Variants in PRPF39 observed in about 807,000 individuals in gnomAD.
PRPF39 encodes pre-mRNA-processing factor 39.
PRPF39 carries 27 observed loss-of-function variants against 82.1 expected under a neutral mutation model. The ratio of observed to expected loss-of-function variants is 0.33; its 90% CI spans 0.24 to 0.45. PRPF39 has a LOEUF of 0.45. Among genes scored for constraint, PRPF39 ranks in the 20% least tolerant of loss-of-function variants. The probability of loss-of-function intolerance (pLI) is 1.00; values close to 1 mark genes in which losing one functional copy is unlikely to be tolerated. For synonymous variants in PRPF39, 261 were observed against 256.4 expected (o/e 1.02, Z -0.17); for missense variants, 581 against 796.9 (o/e 0.73, Z 3.26).
chr14:45,096,300 T>A, intron 3 of PRPF39, 72 bp downstream of exon 3: 1 of 1,308,214 alleles, frequency 7.6e-7, no homozygotes, highest in Non-Finnish European at 1.0e-6. Flanking sequence ...CAAAGATTTT[T>A]TTTTTTTTTT....
chr14:45,094,237 A>C (rs1004076355), intron 1 of PRPF39, among the ~76,000 whole-genome samples: 3 of 152,114 alleles, frequency 2.0e-5, no homozygotes, highest in African/African-American at 7.2e-5. Flanking sequence ...TAATTTAATG[A>C]TTTGGTTTCC....
At position 45,116,025 on chromosome 14, in the gene PRPF39, A is replaced by G. The variant is rs1884824898; in HGVS notation, c.*1112A>G. The G allele has an allele frequency of 1.1e-5, 6 of 558,438 alleles. No individual in the cohort carries two copies. Among genetic ancestry groups the G allele is most frequent in the African/African-American group, 7.5e-5 (4 of 53,286 alleles). 34.6% of individuals were successfully genotyped at this position (558,438 alleles called of 1,614,324 possible). ...AAGTATTTTAGACCAGGGATTCATA[A>G]GGGATTTATCTCTCAAAAGCTGGGA... is the stretch of plus-strand genomic sequence containing the variant. On this transcript the variant is annotated 3_prime_UTR_variant, in exon 14 of 14. Coordinates refer to ENST00000355765, the MANE Select transcript of PRPF39 (RefSeq NM_017922.4).
intron 5 of PRPF39, among the ~76,000 whole-genome samples, chr14:45,104,325 TTTCC>T (rs1884460745): frequency 6.6e-6 from 1 of 152,218 alleles, no homozygotes; most frequent in Non-Finnish European, 1.5e-5. Context: ...TTAGAACCAC[TTTCC>T]TTATCAGTTA....
chr14:45,088,624 G>T (rs1883919182), intron 1 of PRPF39, among the ~76,000 whole-genome samples: 1 of 152,164 alleles, frequency 6.6e-6, no homozygotes, highest in Non-Finnish European at 1.5e-5. Context: ...TAACGTTAAT[G>T]AATTTTGGTT....
At chr14:45,112,617 AG>A (rs1316878508) in intron 11 of PRPF39, 115 bp downstream of exon 11, 2 of 1,097,352 alleles carry the variant, frequency 1.8e-6, no homozygotes, top group Non-Finnish European at 2.4e-6. Context: ...ATGTTCGCTT[AG>A]TTTACTTTTT....
chr14:45,102,496 GA>G, intron 4 of PRPF39, 32 bp from the exon 5 acceptor site: 1 of 1,500,196 alleles, frequency 6.7e-7, no homozygotes, highest in Admixed American at 2.3e-5. Context: ...TTTTATCTTG[GA>G]AAGATAACTT....
chr14:45,098,304 A>C (rs941641590), intron 4 of PRPF39, among the ~76,000 whole-genome samples: 1 of 152,026 alleles, frequency 6.6e-6, no homozygotes, highest in African/African-American at 2.4e-5. Context: ...TTAGCTGGGC[A>C]TGGTGGCGCA....
intron 1 of PRPF39, among the ~76,000 whole-genome samples, chr14:45,093,235 T>C (rs1884095524): frequency 6.6e-6 from 1 of 152,082 alleles, no homozygotes; most frequent in Admixed American, 6.5e-5. Flanking sequence ...TTATTTTTTT[T>C]TTTTTGAGAC....
At chr14:45,097,960 G>T (rs1884252949) in intron 4 of PRPF39, among the ~76,000 whole-genome samples, 1 of 152,056 alleles carries the variant, frequency 6.6e-6, no homozygotes, top group Non-Finnish European at 1.5e-5. Flanking sequence ...GATCTATGTT[G>T]CTTTCTTTCT....
rs190948666 is a variant in PRPF39, at chr14:45,091,379, C to T, written c.-19-3842C>T. ...CTGGTCTGGAACATCTGGCTTCAAG[C>T]GATCCACCCACCTTGGCTTCCCGAA... On this transcript the variant is annotated intron_variant, in intron 1 of 13. Coordinates refer to ENST00000355765, the MANE Select transcript of PRPF39 (RefSeq NM_017922.4). 2.2e-3 allele frequency among the ~76,000 whole-genome samples: 337 copies of T among 152,220 alleles called. 1 individual carries two copies. Among genetic ancestry groups the T allele is most frequent in the Admixed American group, 6.5e-3 (100 of 15,284 alleles).
rs765908799 is a variant in PRPF39 at position 45,116,255 on chromosome 14, G to A, written c.*1342G>A. ...TGAGTTTTGCATTTGGTGGAATTCTGTTGAAGAAGTCAAGGTACATTTGAT... is the reference window on the plus strand; with the variant it reads ...TGAGTTTTGCATTTGGTGGAATTCTATTGAAGAAGTCAAGGTACATTTGAT... On this transcript the variant is annotated 3_prime_UTR_variant, in exon 14 of 14. Coordinates refer to ENST00000355765, the MANE Select transcript of PRPF39 (RefSeq NM_017922.4). The A allele has an allele frequency of 1.2e-5, 20 of 1,611,146 alleles. No individual in the cohort carries two copies. The South Asian group carries it at 2.1e-4, about 17-fold the overall frequency.
rs371379977 is a variant in PRPF39 at position 45,095,889 on chromosome 14, GT to G, written c.325-194del. On this transcript the variant is annotated intron_variant, in intron 2 of 13. Coordinates refer to ENST00000355765, the MANE Select transcript of PRPF39 (RefSeq NM_017922.4). ...AAAAAGGGGGCTGCTGCCTGTGTAGGTTTTTTTTTTTTTTTTTTTTAAGTGA... is the reference window on the plus strand; with the variant it reads ...AAAAAGGGGGCTGCTGCCTGTGTAGGTTTTTTTTTTTTTTTTTTTAAGTGA... 5.3e-3 allele frequency among the ~76,000 whole-genome samples: 683 copies of G among 129,958 alleles called. 2 individuals carry two copies. The highest frequency in any genetic ancestry group is 0.019 in the Middle Eastern group (5 of 258). 85.3% of individuals were successfully genotyped at this position (129,958 alleles called of 152,430 possible). A position where few individuals can be genotyped will look rare whatever the true frequency, so the allele number is the denominator to read the frequency against.
intron 1 of PRPF39, among the ~76,000 whole-genome samples, chr14:45,088,580 T>C (rs1883917316): frequency 6.6e-6 from 1 of 152,252 alleles, no homozygotes; most frequent in African/African-American, 2.4e-5. Context: ...TTAGCTCTGT[T>C]TCTTACTATT....
At position 45,116,139 on chromosome 14, in the gene PRPF39, T is replaced by G; in HGVS notation, c.*1226T>G. 1.6e-6 allele frequency: 2 copies of G among 1,264,058 alleles called. No individual in the cohort carries two copies. Among genetic ancestry groups the G allele is most frequent in the Admixed American group, 3.4e-5 (2 of 58,066 alleles). 78.3% of individuals were successfully genotyped at this position (1,264,058 alleles called of 1,614,324 possible). On this transcript the variant is annotated 3_prime_UTR_variant, in exon 14 of 14. Coordinates refer to ENST00000355765, the MANE Select transcript of PRPF39 (RefSeq NM_017922.4). ...CAAGTTCTAACTAGTTGTGTAAATT[T>G]CTTCAAGGCCAAGTTTTATCATTGT...
intron 2 of PRPF39, chr14:45,095,850 A>G (rs970945249): frequency 1.1e-5 from 5 of 460,276 alleles, no homozygotes; most frequent in Admixed American, 4.1e-5. Context: ...TTCTGTTTCA[A>G]TTGCGTTTAG....
At position 45,116,137 on chromosome 14, in the gene PRPF39, T is replaced by C; in HGVS notation, c.*1224T>C. 1 of 1,251,146 alleles carries C rather than the reference T, an allele frequency of 8.0e-7. No homozygotes were observed. The highest frequency in any genetic ancestry group is 1.7e-5 in the Admixed American group (1 of 58,092). The allele number at this position is 1,251,146 out of a possible 1,614,324, so 77.5% of individuals were successfully genotyped here. A position where few individuals can be genotyped will look rare whatever the true frequency, so the allele number is the denominator to read the frequency against. Reference sequence around the variant, plus strand: ...AACAAGTTCTAACTAGTTGTGTAAATTTCTTCAAGGCCAAGTTTTATCATT... The same window carrying C: ...AACAAGTTCTAACTAGTTGTGTAAACTTCTTCAAGGCCAAGTTTTATCATT... On this transcript the variant is annotated 3_prime_UTR_variant, in exon 14 of 14. Coordinates refer to ENST00000355765, the MANE Select transcript of PRPF39 (RefSeq NM_017922.4).
chr14:45,098,798 G>GA (rs1884282171), intron 4 of PRPF39, among the ~76,000 whole-genome samples: 1 of 152,162 alleles, frequency 6.6e-6, no homozygotes, highest in Non-Finnish European at 1.5e-5. Context: ...ATGGTTCTAG[G>GA]AGATGTCTTT....
At chr14:45,096,039 GAAT>G in intron 2 of PRPF39, 61 bp from the exon 3 acceptor site, 1 of 1,378,450 alleles carries the variant, frequency 7.3e-7, no homozygotes. Context: ...CGTTTGAAAG[GAAT>G]AATAAATATT....
In PRPF39 at chr14:45,086,246, G is replaced by A. The variant is rs554190893; in HGVS notation, c.-20+1997G>A. The stretch of plus-strand genomic sequence containing the variant: ...ATGAGCCACCGTGCCCGGCCCAAAT[G>A]TCCCATTTTTAATTAAGTGTTAGTA... On this transcript the variant is annotated intron_variant, in intron 1 of 13. Coordinates refer to ENST00000355765, the MANE Select transcript of PRPF39 (RefSeq NM_017922.4). Among the ~76,000 whole-genome samples, 3 of 152,158 alleles carry A rather than the reference G, an allele frequency of 2.0e-5. No individual in the cohort carries two copies. In the East Asian group the frequency reaches 5.8e-4, roughly 29 times the overall value.
Sources: gnomAD v4.1 joint callset for allele counts (sites outside exome capture counted in the v4.1 genomes callset) on GRCh38, gnomAD v4.1.1 for gene constraint, MANE v1.5 for transcripts, NCBI Gene and HGNC (gene_info 2026-07-23, HGNC 2026-07-21) for gene names.